LMBR1: variants seen among roughly 807,000 people sequenced by gnomAD.
LMBR1 encodes limb development membrane protein 1.
Under a neutral mutation model 73.9 loss-of-function variants are expected in LMBR1, and 52 were observed. The ratio of observed to expected loss-of-function variants is 0.70; its 90% CI spans 0.56 to 0.89. LMBR1 has a LOEUF of 0.89. Among genes scored for constraint, LMBR1 ranks in the 40% least tolerant of loss-of-function variants. The pLI is 0.00. For missense variants in LMBR1, 539 were observed against 579.8 expected (o/e 0.93, Z 0.72); for synonymous variants, 215 against 209.4 (o/e 1.03, Z -0.23).
chr7:156,771,729 AT>A (rs763653171), intron 5 of LMBR1, among the ~76,000 whole-genome samples: 2 of 152,210 alleles, frequency 1.3e-5, no homozygotes, highest in Non-Finnish European at 2.9e-5. Flanking sequence ...TCCCTAACTC[AT>A]TCTATGAGGC....
chr7:156,794,361 T>A (rs1351025865), intron 5 of LMBR1, among the ~76,000 whole-genome samples: 1 of 152,236 alleles, frequency 6.6e-6, no homozygotes, highest in East Asian at 1.9e-4. Context: ...TTAACTTCTA[T>A]GATCCCTCCT....
At chr7:156,761,345 T>C (rs1446757629) in intron 8 of LMBR1, among the ~76,000 whole-genome samples, 1 of 152,190 alleles carries the variant, frequency 6.6e-6, no homozygotes, top group Non-Finnish European at 1.5e-5. Flanking sequence ...GACAAATCAT[T>C]AGAATTACAA....
rs545356529 is a variant in LMBR1, at chr7:156,719,456, T to G, written c.1225+4656A>C. Among the ~76,000 whole-genome samples, 66 of 151,810 alleles carry G rather than the reference T, an allele frequency of 4.3e-4. 1 individual carries two copies. In the Middle Eastern group the frequency reaches 0.01, roughly 23 times the overall value. On this transcript the variant is annotated intron_variant, in intron 15 of 16. Transcript: ENST00000353442. ...GCAATAAACATTGAAATAAAAGAGG[T>G]TACAAACAAATGGAAAAACATTCCA... is the stretch of plus-strand genomic sequence containing the variant.
chr7:156,845,395 C>T (rs1242238059), intron 1 of LMBR1, among the ~76,000 whole-genome samples: 1 of 151,864 alleles, frequency 6.6e-6, no homozygotes. Context: ...TTTGAAATTA[C>T]CCTAACAACA....
intron 10 of LMBR1, among the ~76,000 whole-genome samples, chr7:156,730,132 T>C (rs908102924): frequency 9.2e-5 from 14 of 152,306 alleles, no homozygotes; most frequent in African/African-American, 2.6e-4. Context: ...AGGACAGACA[T>C]TGGCATTTGG....
At chr7:156,785,847 G>A (rs1200090312) in intron 5 of LMBR1, among the ~76,000 whole-genome samples, 1 of 152,064 alleles carries the variant, frequency 6.6e-6, no homozygotes, top group Non-Finnish European at 1.5e-5. Flanking sequence ...CAAGATGATG[G>A]GTCTCACAAC....
At chr7:156,701,801 C>T (rs1809758827) in intron 15 of LMBR1, among the ~76,000 whole-genome samples, 1 of 152,138 alleles carries the variant, frequency 6.6e-6, no homozygotes, top group South Asian at 2.1e-4. Context: ...CGACCAAGGC[C>T]CAGTGTGTGT....
chr7:156,833,734 T>C lies in LMBR1; in HGVS notation c.179+19A>G, dbSNP rs909553998. The C allele has an allele frequency of 1.3e-6, 2 of 1,580,548 alleles. No individual in the cohort carries two copies. The highest frequency in any genetic ancestry group is 1.4e-5 in the African/African-American group (1 of 73,818). On this transcript the variant is annotated intron_variant, in intron 3 of 16. Transcript: ENST00000353442. ...ACTTCAGAATCAGAAACAGAACAAC[T>C]GAACTTTAAAATACATACGAAATCC...
At chr7:156,812,047 T>C (rs1254105814) in intron 4 of LMBR1, among the ~76,000 whole-genome samples, 5 of 152,156 alleles carry the variant, frequency 3.3e-5, no homozygotes, top group Admixed American at 3.3e-4. Flanking sequence ...GTCTTTGGAT[T>C]TGGGTCTTCG....
At chr7:156,850,846 C>T (rs1796136642) in intron 1 of LMBR1, among the ~76,000 whole-genome samples, 1 of 152,154 alleles carries the variant, frequency 6.6e-6, no homozygotes, top group Non-Finnish European at 1.5e-5. Context: ...GCGTGATCCC[C>T]ACTGTTGGAG....
intron 5 of LMBR1, among the ~76,000 whole-genome samples, chr7:156,779,429 T>C (rs1826721059): frequency 1.3e-5 from 2 of 152,228 alleles, no homozygotes; most frequent in South Asian, 2.1e-4. Flanking sequence ...CCAGCATTTT[T>C]TGAAATTACA....
Position 156,670,979 on chromosome 7 carries a change from G to A in LMBR1, n.867-1692C>T, listed in dbSNP as rs192153449. 8.1e-4 allele frequency among the ~76,000 whole-genome samples: 123 copies of A among 152,268 alleles called. No homozygotes were observed. The highest frequency in any genetic ancestry group is 2.9e-3 in the African/African-American group (122 of 41,544). ...AGGTTAAAAGAGAGAGAGAGCTTAT[G>A]ACAAAAATAACATAAAGCAGGAGAG... On this transcript the variant is annotated intron_variant and non_coding_transcript_variant, in intron 4 of 4. Transcript: ENST00000430825. The surrounding 1 kb of genome is among the most constrained non-coding windows in gnomAD (Gnocchi z 4.3).
At chr7:156,833,524 A>T (rs1396544931) in intron 3 of LMBR1, 1 of 491,232 alleles carries the variant, frequency 2.0e-6, no homozygotes, top group East Asian at 3.9e-5. Flanking sequence ...TTCCTCATTT[A>T]ATCCCCTGAG....
intron 4 of LMBR1, among the ~76,000 whole-genome samples, chr7:156,803,796 T>A (rs1187914476): frequency 6.6e-6 from 1 of 151,850 alleles, no homozygotes; most frequent in Non-Finnish European, 1.5e-5. Context: ...ATATACACCA[T>A]GGAATACTAT....
chr7:156,790,605 G>A (rs566260170), intron 5 of LMBR1, among the ~76,000 whole-genome samples: 1 of 151,960 alleles, frequency 6.6e-6, no homozygotes, highest in East Asian at 1.9e-4. Flanking sequence ...CCATTACAGT[G>A]TATATGGAAA....
rs56828984 is a variant in LMBR1 at position 156,680,403 on chromosome 7, A to AGTGTGTGTGTGTGTGTGTGT, written c.*3655_*3674dup. On this transcript the variant is annotated 3_prime_UTR_variant, in exon 17 of 17. Transcript: ENST00000353442. ...GAGAGAGAGAGAGAGAGAGAGAGAG[A>AGTGTGTGTGTGTGTGTGTGT]GTGTGTGTGTGTGTGTGTGTGTAAT... 1.7e-4 allele frequency: 21 copies of AGTGTGTGTGTGTGTGTGTGT among 125,064 alleles called. No individual in the cohort carries two copies. The highest frequency in any genetic ancestry group is 5.2e-4 in the African/African-American group (17 of 32,556). The allele number at this position is 125,064 out of a possible 1,614,324, so 7.7% of individuals were successfully genotyped here. A position where few individuals can be genotyped will look rare whatever the true frequency, so the allele number is the denominator to read the frequency against.
intron 12 of LMBR1, 103 bp from the exon 13 acceptor site, chr7:156,725,940 T>G: frequency 3.6e-6 from 3 of 836,178 alleles, no homozygotes; most frequent in Non-Finnish European, 5.7e-6. Context: ...TTATGAATGT[T>G]TACTACTTTG....
At chr7:156,804,062 G>A (rs1205909595) in intron 4 of LMBR1, among the ~76,000 whole-genome samples, 1 of 151,888 alleles carries the variant, frequency 6.6e-6, no homozygotes, top group Non-Finnish European at 1.5e-5. Flanking sequence ...GATGATGGGT[G>A]CAGCACACCA....
chr7:156,816,710 T>C (rs1312965556), intron 4 of LMBR1, among the ~76,000 whole-genome samples: 5 of 152,176 alleles, frequency 3.3e-5, no homozygotes, highest in Non-Finnish European at 5.9e-5. Context: ...ATCTAATACA[T>C]AGACATAATA....
Sources: gnomAD v4.1 joint callset for allele counts (sites outside exome capture counted in the v4.1 genomes callset) on GRCh38, gnomAD v4.1.1 for gene constraint, Gnocchi (gnomAD v3.1) non-coding constraint, MANE v1.5 for transcripts, NCBI Gene and HGNC (gene_info 2026-07-23, HGNC 2026-07-21) for gene names.